The following STK32B variants were observed in gnomAD, a reference collection of about 807,000 sequenced individuals.
STK32B encodes the protein serine/threonine-protein kinase 32B.
In STK32B, 43 loss-of-function variants were observed where a neutral mutation model predicts 52.6. That is an observed-to-expected ratio of 0.82 (90% CI 0.64 to 1.05). The LOEUF (loss-of-function observed/expected upper bound fraction) is 1.05. Ranked by LOEUF, STK32B falls within the 50% of genes least tolerant of loss-of-function variation. The probability of loss-of-function intolerance (pLI) is 0.00; values close to 1 mark genes in which losing one functional copy is unlikely to be tolerated. For synonymous variants in STK32B, 238 were observed against 204.3 expected, an observed-to-expected ratio of 1.17 and a Z score of -1.41; for missense variants, 621 against 534.6, an observed-to-expected ratio of 1.16 and a Z score of -1.59.
At chr4:5,401,560 C>A (rs1271474679) in intron 5 of STK32B, among the ~76,000 whole-genome samples, 3 of 152,204 alleles carry the variant, frequency 2.0e-5, no homozygotes, top group South Asian at 4.1e-4. Flanking sequence ...TGGACACTTT[C>A]ATTCTGCTCT....
intron 3 of STK32B, among the ~76,000 whole-genome samples, chr4:5,200,520 G>T (rs1490237074): frequency 6.6e-6 from 1 of 152,160 alleles, no homozygotes; most frequent in Non-Finnish European, 1.5e-5. Context: ...CAGGACAGTA[G>T]AGCAGGCCCA....
At chr4:5,203,022 G>A (rs969219432) in intron 3 of STK32B, among the ~76,000 whole-genome samples, 1 of 152,200 alleles carries the variant, frequency 6.6e-6, no homozygotes, top group East Asian at 1.9e-4. Context: ...TGCCAGATGG[G>A]AAACCTGAAA....
intron 1 of STK32B, among the ~76,000 whole-genome samples, chr4:5,122,834 G>T (rs1030971302): frequency 1.1e-4 from 16 of 152,098 alleles, no homozygotes; most frequent in African/African-American, 3.9e-4. Context: ...TGGGTTCCAT[G>T]ATACTCTCCC....
At chr4:5,389,020 A>C (rs889436049) in intron 4 of STK32B, among the ~76,000 whole-genome samples, 3 of 152,174 alleles carry the variant, frequency 2.0e-5, no homozygotes, top group African/African-American at 7.2e-5. Context: ...AGCAACCCCC[A>C]AGCATGGCTT....
chr4:5,095,406 G>C (rs1713329494), intron 1 of STK32B, among the ~76,000 whole-genome samples: 1 of 152,190 alleles, frequency 6.6e-6, no homozygotes, highest in African/African-American at 2.4e-5. Flanking sequence ...CTTGAGGCCA[G>C]GAGTTCAAGA....
At chr4:5,408,666 G>A (rs546421036) in intron 5 of STK32B, among the ~76,000 whole-genome samples, 8 of 152,182 alleles carry the variant, frequency 5.3e-5, no homozygotes, top group Admixed American at 2.0e-4. Context: ...ATTCCAGCTC[G>A]GCCTGGTAAG....
intron 3 of STK32B, among the ~76,000 whole-genome samples, chr4:5,192,469 C>G (rs1468444018): frequency 6.6e-6 from 1 of 152,206 alleles, no homozygotes; most frequent in Non-Finnish European, 1.5e-5. Flanking sequence ...TTTACACACA[C>G]ACGCTACAGA....
At chr4:5,274,459 A>C (rs1463815068) in intron 3 of STK32B, among the ~76,000 whole-genome samples, 1 of 152,134 alleles carries the variant, frequency 6.6e-6, no homozygotes, top group Non-Finnish European at 1.5e-5. Context: ...TCCTAGGCTG[A>C]TTAAGAATCC....
chr4:5,357,072 T>TAC (rs1290227661), intron 4 of STK32B, among the ~76,000 whole-genome samples: 7 of 143,750 alleles, frequency 4.9e-5, no homozygotes, highest in South Asian at 2.2e-4. Context: ...TACACACATA[T>TAC]ACACACACAC....
At chr4:5,324,935 G>T (rs887792328) in intron 3 of STK32B, among the ~76,000 whole-genome samples, 15 of 152,210 alleles carry the variant, frequency 9.9e-5, no homozygotes, top group Non-Finnish European at 1.8e-4. Context: ...TTGGCTTCTT[G>T]CAAGGACCAA....
chr4:5,329,576 C>T (rs1199461734), intron 3 of STK32B, among the ~76,000 whole-genome samples: 1 of 152,208 alleles, frequency 6.6e-6, no homozygotes, highest in East Asian at 1.9e-4. Flanking sequence ...TCCTAGAATG[C>T]CAGCCCGTGC....
At chr4:5,156,035 GA>G (rs1253537051) in intron 2 of STK32B, among the ~76,000 whole-genome samples, 1 of 151,468 alleles carries the variant, frequency 6.6e-6, no homozygotes, top group Non-Finnish European at 1.5e-5. Flanking sequence ...TATACCTATA[GA>G]TCCACCACAA....
intron 11 of STK32B, among the ~76,000 whole-genome samples, chr4:5,493,730 C>G (rs375355285): frequency 7.9e-5 from 12 of 152,142 alleles, no homozygotes; most frequent in African/African-American, 1.9e-4. Flanking sequence ...CTATAAATTT[C>G]CCTCTACACA....
chr4:5,359,195 G>A lies in STK32B; in HGVS notation c.434+27802G>A, dbSNP rs554403160. Among the ~76,000 whole-genome samples, 143 of 152,186 alleles carry A rather than the reference G, an allele frequency of 9.4e-4. 1 individual carries two copies. Among genetic ancestry groups the A allele is most frequent in the African/African-American group, 3.4e-3 (140 of 41,518 alleles). ...AGAGCAGGAAATTAAAGAGGAAAAT[G>A]GTGTATTTTTCCATATTTATAGGTT... is the stretch of plus-strand genomic sequence containing the variant. On this transcript the variant is annotated intron_variant, in intron 4 of 11. Coordinates refer to ENST00000282908, the MANE Select transcript of STK32B (RefSeq NM_018401.3).
intron 4 of STK32B, among the ~76,000 whole-genome samples, chr4:5,348,707 T>C (rs1733633809): frequency 6.6e-6 from 1 of 152,138 alleles, no homozygotes; most frequent in Non-Finnish European, 1.5e-5. Flanking sequence ...ACCTGAGCAT[T>C]CCACCAGAGG....
Position 5,076,620 on chromosome 4 carries a change from T to C in STK32B, c.52+24705T>C, listed in dbSNP as rs11947525. ...ATACTGCATATTCACAAGGCTGATC[T>C]ATACCAATATAATCTGCATTTCGCA... On this transcript the variant is annotated intron_variant, in intron 1 of 11. Coordinates refer to ENST00000282908, the MANE Select transcript of STK32B (RefSeq NM_018401.3). Among the ~76,000 whole-genome samples the C allele has an allele frequency of 2.4e-3, 360 of 152,342 alleles. 2 individuals are homozygous for C. The highest frequency in any genetic ancestry group is 8.4e-3 in the African/African-American group (350 of 41,592).
intron 3 of STK32B, among the ~76,000 whole-genome samples, chr4:5,263,793 C>A (rs1300655517): frequency 6.6e-6 from 1 of 152,116 alleles, no homozygotes; most frequent in Non-Finnish European, 1.5e-5. Context: ...TTCTATCATC[C>A]CCCAAATTTC....
rs1450047510 is a variant in STK32B, at chr4:5,394,426, A to C, written c.435-3781A>C. ...AATGTGAAAAATAGAGCTGGAGGAA[A>C]CGGTCCTGAAACTGGCTAAACTAAA... On this transcript the variant is annotated intron_variant, in intron 4 of 11. Coordinates refer to ENST00000282908, the MANE Select transcript of STK32B (RefSeq NM_018401.3). This position sits in a 1 kb window ranked among gnomAD's most constrained non-coding sequence, Gnocchi z 4.2. Among the ~76,000 whole-genome samples the C allele has an allele frequency of 6.6e-6, 1 of 152,228 alleles. No homozygotes were observed. Among genetic ancestry groups the C allele is most frequent in the African/African-American group, 2.4e-5 (1 of 41,464 alleles).
chr4:5,030,119 T>A, the STK32B span, among the ~76,000 whole-genome samples: 3 of 152,208 alleles, frequency 2.0e-5, no homozygotes, highest in Non-Finnish European at 4.4e-5. Flanking sequence ...CTTTCCTTTA[T>A]AAATTACCCA....
Sources: allele counts gnomAD v4.1 joint callset (sites outside exome capture counted in the v4.1 genomes callset), GRCh38; gene constraint gnomAD v4.1.1; non-coding constraint Gnocchi (gnomAD v3.1); transcripts MANE v1.5; gene names NCBI Gene and HGNC (gene_info 2026-07-23, HGNC 2026-07-21).